Variants in FBXO38 observed in about 807,000 individuals in gnomAD.
The protein encoded by FBXO38 is F-box protein 38.
Under a neutral mutation model 131.9 loss-of-function variants are expected in FBXO38, and 53 were observed. The ratio of observed to expected loss-of-function variants is 0.40; its 90% CI spans 0.32 to 0.51. The LOEUF (loss-of-function observed/expected upper bound fraction) is 0.51. Among genes scored for constraint, FBXO38 ranks in the 20% least tolerant of loss-of-function variants. The probability of loss-of-function intolerance (pLI) is 0.53; values close to 1 mark genes in which losing one functional copy is unlikely to be tolerated. For missense variants in FBXO38, 1,076 were observed against 1,475.6 expected (o/e 0.73, Z 4.44); for synonymous variants, 452 against 505.6 (o/e 0.89, Z 1.42).
intron 7 of FBXO38, among the ~76,000 whole-genome samples, chr5:148,407,881 C>T (rs1158345667): frequency 1.3e-5 from 2 of 151,560 alleles, no homozygotes; most frequent in African/African-American, 4.9e-5. Flanking sequence ...GCCTAGATCG[C>T]ACCACTGCAC....
At chr5:148,392,385 A>G (rs912803617) in intron 1 of FBXO38, among the ~76,000 whole-genome samples, 18 of 151,918 alleles carry the variant, frequency 1.2e-4, no homozygotes, top group Admixed American at 8.5e-4. Flanking sequence ...AGGTGTGTTT[A>G]TTTGTATATA....
In FBXO38 at chr5:148,415,981, T is replaced by C; in HGVS notation, c.1318T>C (p.Leu440=). The change falls in exon 11 of 22, where the codon TTG becomes CTG. Residue 440 remains leucine (L), a synonymous_variant. Transcript: ENST00000340253. ...VDINLVRCHA[L]KLDSFGQFIE... ...TATCAACCTAGTACGGTGCCATGCT[T>C]TGAAGCTGGACTCTTTTGGCCAGTT... is the stretch of plus-strand genomic sequence containing the variant. The C allele has an allele frequency of 6.2e-7, 1 of 1,613,560 alleles. No individual in the cohort carries two copies. The highest frequency in any genetic ancestry group is 8.5e-7 in the Non-Finnish European group (1 of 1,179,630).
At chr5:148,409,059 A>G (rs998230702) in intron 7 of FBXO38, 65 bp from the exon 8 acceptor site, 13 of 846,826 alleles carry the variant, frequency 1.5e-5, no homozygotes, top group African/African-American at 8.4e-5. Flanking sequence ...TTTATAATGT[A>G]TAGTATATAA....
intron 15 of FBXO38, among the ~76,000 whole-genome samples, chr5:148,431,524 CA>C (rs1476905313): frequency 2.0e-5 from 3 of 152,168 alleles, no homozygotes; most frequent in African/African-American, 7.2e-5. Flanking sequence ...ACTTGAAAAT[CA>C]GATCATAAAA....
chr5:148,414,976 TCCTCTG>T (rs1458096074), intron 10 of FBXO38, among the ~76,000 whole-genome samples: 1 of 152,166 alleles, frequency 6.6e-6, no homozygotes, highest in Non-Finnish European at 1.5e-5. Flanking sequence ...CAGAACAGCC[TCCTCTG>T]CTATTGAGTC....
At chr5:148,435,100 A>C (rs1278250704) in intron 17 of FBXO38, 1 of 152,272 alleles carries the variant, frequency 6.6e-6, no homozygotes. Flanking sequence ...TCAAAAAAAA[A>C]TAAAATAAAA....
intron 12 of FBXO38, among the ~76,000 whole-genome samples, chr5:148,418,864 A>G (rs1243225427): frequency 2.0e-5 from 3 of 152,240 alleles, no homozygotes; most frequent in Non-Finnish European, 4.4e-5. Context: ...ACAAGGACCA[A>G]AAAGATATTC....
intron 8 of FBXO38, among the ~76,000 whole-genome samples, chr5:148,409,518 A>C (rs1178798734): frequency 1.3e-5 from 2 of 152,208 alleles, no homozygotes; most frequent in Non-Finnish European, 2.9e-5. Flanking sequence ...TTAGCATTGA[A>C]GCTCTGGTGT....
Position 148,424,094 on chromosome 5 carries a change from T to A in FBXO38, c.1715T>A (p.Val572Glu). The change falls in exon 13 of 22, where the codon GTG (valine) becomes GAG (glutamate). Residue 572 changes from valine (V) to glutamate (E), a missense_variant. Val to Glu is a moderately radical substitution (Grantham distance 121). Coordinates refer to ENST00000340253, the MANE Select transcript of FBXO38 (RefSeq NM_205836.3). ...TPAHSQAIIPVDVDEEQAGPS... is the reference protein window; with the variant it reads ...TPAHSQAIIPEDVDEEQAGPS... ...GCTCACAGCCAGGCAATTATTCCTG[T>A]GGATGTTGATGAGGAACAAGCAGGT... 3 of 1,613,424 alleles carry A rather than the reference T, an allele frequency of 1.9e-6. No homozygotes were observed. Among genetic ancestry groups the A allele is most frequent in the Non-Finnish European group, 2.5e-6 (3 of 1,179,608 alleles).
rs751405536 is a variant in FBXO38 at position 148,394,827 on chromosome 5, T to G, written c.51T>G (p.Ile17Met). The G allele has an allele frequency of 1.2e-6, 2 of 1,605,246 alleles. No homozygotes were observed. The highest frequency in any genetic ancestry group is 1.7e-5 in the Admixed American group (1 of 58,358). The part of the protein sequence containing the change: ...SVKTCIMNNE[I>M]PEEMTADETK... ...AAACATGTATCATGAATAATGAAAT[T>G]CCAGAAGAAATGACAGCAGATGAAA... The change falls in exon 2 of 22, where the codon ATT becomes ATG. Residue 17 changes from isoleucine to methionine, a missense_variant. Physicochemically the swap from Ile to Met is conservative, Grantham distance 10. Transcript: ENST00000340253.
rs73264600 is a variant in FBXO38 at position 148,425,484 on chromosome 5, C to T, written c.1739-38C>T. 2,578 of 1,540,018 alleles carry T rather than the reference C, an allele frequency of 1.7e-3. 37 individuals carry two copies. In the African/African-American group the frequency reaches 0.032, roughly 19 times the overall value. ...GTACTTTGCATTAGATCCTTTCTTGCGCAAAAAGTAACTGTTAGGCCTGTG... is the reference window on the plus strand; with the variant it reads ...GTACTTTGCATTAGATCCTTTCTTGTGCAAAAAGTAACTGTTAGGCCTGTG... On this transcript the variant is annotated intron_variant, in intron 13 of 21. Coordinates refer to ENST00000340253, the MANE Select transcript of FBXO38 (RefSeq NM_205836.3).
chr5:148,432,055 C>G (rs1341525219), intron 15 of FBXO38, among the ~76,000 whole-genome samples: 1 of 152,174 alleles, frequency 6.6e-6, no homozygotes, highest in East Asian at 1.9e-4. Flanking sequence ...TGTTCAATTT[C>G]CTTGTCTTTT....
At chr5:148,423,510 A>C (rs1291878156) in intron 12 of FBXO38, among the ~76,000 whole-genome samples, 4 of 152,170 alleles carry the variant, frequency 2.6e-5, no homozygotes, top group Admixed American at 6.5e-5. Context: ...TTTATCATGA[A>C]AGGTTTCTAG....
chr5:148,427,435 A>G lies in FBXO38; in HGVS notation c.2141A>G (p.Asn714Ser). The change falls in exon 15 of 22, where the codon AAC becomes AGC. Residue 714 changes from asparagine to serine, a missense_variant. Asn to Ser is a conservative substitution (Grantham distance 46, BLOSUM62 1). Coordinates refer to ENST00000340253, the MANE Select transcript of FBXO38 (RefSeq NM_205836.3). ...CSSTTASTVG[N>S]SSSHNTASQS... ...AGCACCACCGCCAGCACAGTGGGAA[A>G]CTCCAGCTCACACAACACTGCTTCT... 6.2e-7 allele frequency: 1 copy of G among 1,614,130 alleles called. No individual in the cohort carries two copies. The highest frequency in any genetic ancestry group is 1.1e-5 in the South Asian group (1 of 91,082).
chr5:148,399,162 A>G (rs1423068256), intron 3 of FBXO38, 30 bp downstream of exon 3: 2 of 1,609,664 alleles, frequency 1.2e-6, no homozygotes, highest in Non-Finnish European at 1.7e-6. Context: ...GAAGTACAGT[A>G]GTGTCCTACT....
intron 3 of FBXO38, among the ~76,000 whole-genome samples, chr5:148,401,764 C>T (rs190787149): frequency 1.3e-5 from 2 of 152,246 alleles, no homozygotes; most frequent in East Asian, 3.9e-4. Flanking sequence ...TAAAAGCCTC[C>T]TCCATAAAGT....
At chr5:148,394,932 G>T (rs761916498) in intron 2 of FBXO38, 28 bp downstream of exon 2, 1 of 1,542,544 alleles carries the variant, frequency 6.5e-7, no homozygotes, top group Admixed American at 2.0e-5. Flanking sequence ...TGGCTTACCT[G>T]CCTGGAATGG....
At chr5:148,416,469 G>A (rs1753061098) in intron 11 of FBXO38, among the ~76,000 whole-genome samples, 1 of 152,168 alleles carries the variant, frequency 6.6e-6, no homozygotes, top group African/African-American at 2.4e-5. Flanking sequence ...TTTATTTGGG[G>A]AATGTTTTAC....
rs1156908271 is a variant in FBXO38 at position 148,427,278 on chromosome 5, C to G, written c.1984C>G (p.Gln662Glu). The G allele has an allele frequency of 1.9e-6, 3 of 1,614,186 alleles. No homozygotes were observed. In the South Asian group the frequency reaches 3.3e-5, roughly 18 times the overall value. Residue 662 changes from glutamine to glutamate, a missense_variant, in exon 15 of 22, where the codon CAG (glutamine) becomes GAG (glutamate). By Grantham distance (29) the Gln-to-Glu change is conservative. Around this residue, in one of 8 missense-constraint regions of FBXO38, gnomAD observed 212 missense variants for 221.2 expected, o/e 0.96. Coordinates refer to ENST00000340253, the MANE Select transcript of FBXO38 (RefSeq NM_205836.3). Reference sequence around the variant, plus strand: ...CTCCCATCAGATGGGCCAGTCGAAGCAGTTTCCCCTCGAGGAAAGCAGCTG... The same window carrying G: ...CTCCCATCAGATGGGCCAGTCGAAGGAGTTTCCCCTCGAGGAAAGCAGCTG... Reference protein sequence around the residue: ...YNSHQMGQSKQFPLEESSCEK... With the variant: ...YNSHQMGQSKEFPLEESSCEK...
Sources: gnomAD v4.1 joint callset for allele counts (sites outside exome capture counted in the v4.1 genomes callset) on GRCh38, gnomAD v4.1.1 for gene constraint, gnomAD v4.1.1 regional missense constraint, MANE v1.5 for transcripts, NCBI Gene and HGNC (gene_info 2026-07-23, HGNC 2026-07-21) for gene names.